The following RUNDC3B variants were observed in gnomAD, a reference collection of about 807,000 sequenced individuals.
RUNDC3B encodes RUN domain-containing protein 3B.
A neutral mutation model predicts 58.4 loss-of-function variants in RUNDC3B; 33 were observed. That is an observed-to-expected ratio of 0.56 (90% CI 0.43 to 0.75). The LOEUF is 0.75. Ranked by LOEUF, RUNDC3B falls within the 30% of genes least tolerant of loss-of-function variation. RUNDC3B has a pLI of 0.00. For missense variants in RUNDC3B, 501 were observed against 535.7 expected (o/e 0.94, Z 0.64); for synonymous variants, 193 against 195.2 (o/e 0.99, Z 0.10).
chr7:87,814,259 C>A (rs1836901384), intron 9 of RUNDC3B, among the ~76,000 whole-genome samples: 1 of 151,994 alleles, frequency 6.6e-6, no homozygotes, highest in African/African-American at 2.4e-5. Flanking sequence ...TGCCACCACG[C>A]CCAGCTAATT....
intron 9 of RUNDC3B, among the ~76,000 whole-genome samples, chr7:87,811,352 T>G (rs1168307100): frequency 1.3e-5 from 2 of 152,030 alleles, no homozygotes; most frequent in African/African-American, 4.8e-5. Context: ...TTTTTTTTTT[T>G]TTAATGGAGT....
chr7:87,785,735 G>C (rs1017742742), intron 8 of RUNDC3B, among the ~76,000 whole-genome samples: 2 of 152,216 alleles, frequency 1.3e-5, no homozygotes, highest in African/African-American at 4.8e-5. Context: ...CTCAGAGCAA[G>C]ATGGAGAGAC....
chr7:87,825,483 G>A (rs915249879), intron 10 of RUNDC3B, among the ~76,000 whole-genome samples: 6 of 152,128 alleles, frequency 3.9e-5, no homozygotes, highest in African/African-American at 1.2e-4. Flanking sequence ...CAGGGGTGGG[G>A]CCCTCATGAA....
Position 87,712,985 on chromosome 7 carries a change from C to T in RUNDC3B, c.458+2330C>T, listed in dbSNP as rs1051263276. On this transcript the variant is annotated intron_variant, in intron 4 of 10. Transcript: ENST00000394654. Reference sequence around the variant, plus strand: ...TATCTTAGAAGTTAACTAAAAAATGCGGCAAAAAAATCTTATTTTTCTCCC... The same window carrying T: ...TATCTTAGAAGTTAACTAAAAAATGTGGCAAAAAAATCTTATTTTTCTCCC... Among the ~76,000 whole-genome samples the T allele has an allele frequency of 8.6e-5, 13 of 151,836 alleles. 1 individual carries two copies. The highest frequency in any genetic ancestry group is 5.3e-4 in the Admixed American group (8 of 15,236).
At chr7:87,814,568 GCTT>G (rs1174709299) in intron 9 of RUNDC3B, among the ~76,000 whole-genome samples, 1 of 152,072 alleles carries the variant, frequency 6.6e-6, no homozygotes, top group Non-Finnish European at 1.5e-5. Flanking sequence ...AATAATTCTA[GCTT>G]CTTATGGTAG....
In RUNDC3B at chr7:87,669,792, T is replaced by C. The variant is rs1478423452; in HGVS notation, c.238+18855T>C. 3.3e-5 allele frequency among the ~76,000 whole-genome samples: 5 copies of C among 152,324 alleles called. No individual in the cohort carries two copies. In the East Asian group the frequency reaches 9.6e-4, roughly 29 times the overall value. On this transcript the variant is annotated intron_variant, in intron 2 of 10. Transcript: ENST00000394654. ...TTTTTTTCTTTAAGAATGTTGAATA[T>C]GGGCCCCCAATCTCTTCTGGCTTGT...
At chr7:87,715,423 A>C (rs1830494177) in intron 4 of RUNDC3B, among the ~76,000 whole-genome samples, 1 of 127,158 alleles carries the variant, frequency 7.9e-6, no homozygotes, top group Non-Finnish European at 1.6e-5. Context: ...TAATATATTT[A>C]ATATATAATT....
At chr7:87,722,618 T>C (rs1212418914) in intron 4 of RUNDC3B, among the ~76,000 whole-genome samples, 1 of 152,150 alleles carries the variant, frequency 6.6e-6, no homozygotes, top group African/African-American at 2.4e-5. Flanking sequence ...CCATAATTCC[T>C]TTGACGAGTT....
At chr7:87,796,273 G>A (rs1835815113) in intron 8 of RUNDC3B, among the ~76,000 whole-genome samples, 1 of 152,026 alleles carries the variant, frequency 6.6e-6, no homozygotes, top group South Asian at 2.1e-4. Context: ...TGAACTAATG[G>A]ACATAGGGAG....
chr7:87,771,539 A>T (rs115398024), intron 7 of RUNDC3B, among the ~76,000 whole-genome samples: 125 of 152,334 alleles, frequency 8.2e-4, no homozygotes, highest in African/African-American at 3.0e-3. Flanking sequence ...CAAAAATATG[A>T]AAATGCTGAG....
chr7:87,762,662 G>A (rs1833758002), intron 6 of RUNDC3B, among the ~76,000 whole-genome samples: 1 of 150,988 alleles, frequency 6.6e-6, no homozygotes, highest in South Asian at 2.1e-4. Context: ...AATCTATCAT[G>A]CCTTCCATTG....
chr7:87,672,361 C>T (rs1825908660), intron 2 of RUNDC3B, among the ~76,000 whole-genome samples: 1 of 152,138 alleles, frequency 6.6e-6, no homozygotes, highest in Admixed American at 6.5e-5. Context: ...GCTAAGGTGC[C>T]CAAACAGCAT....
intron 8 of RUNDC3B, among the ~76,000 whole-genome samples, chr7:87,786,172 C>T (rs1382430133): frequency 6.6e-6 from 1 of 152,080 alleles, no homozygotes; most frequent in Non-Finnish European, 1.5e-5. Flanking sequence ...CATCTTGTCC[C>T]CTGCCTCCTA....
intron 6 of RUNDC3B, among the ~76,000 whole-genome samples, chr7:87,752,145 G>A (rs1833044516): frequency 6.6e-6 from 1 of 152,278 alleles, no homozygotes; most frequent in East Asian, 1.9e-4. Flanking sequence ...TATGGTTTTT[G>A]TCTTTGTTTC....
At position 87,723,907 on chromosome 7, in the gene RUNDC3B, C is replaced by T. The variant is rs530256040; in HGVS notation, c.458+13252C>T. Among the ~76,000 whole-genome samples the T allele has an allele frequency of 2.0e-3, 311 of 152,172 alleles. 2 individuals carry two copies. Among genetic ancestry groups the T allele is most frequent in the African/African-American group, 7.1e-3 (296 of 41,532 alleles). ...GCGTCTTTGCCAACATTTAATCGTA[C>T]ACATCATAATAAAAGTAAAACATTA... On this transcript the variant is annotated intron_variant, in intron 4 of 10. Coordinates refer to ENST00000394654, the MANE Select transcript of RUNDC3B (RefSeq NM_001134405.2).
intron 2 of RUNDC3B, among the ~76,000 whole-genome samples, chr7:87,667,279 T>C (rs10254392): frequency 0.048 from 7,347 of 152,234 alleles, 259 homozygotes; most frequent in East Asian, 0.09. Flanking sequence ...CTGATTTGGC[T>C]GTAAGTTTGG....
At chr7:87,717,939 A>C (rs951377339) in intron 4 of RUNDC3B, among the ~76,000 whole-genome samples, 1 of 152,190 alleles carries the variant, frequency 6.6e-6, no homozygotes, top group African/African-American at 2.4e-5. Context: ...AAATGTAAAA[A>C]TATTAGTAAC....
At chr7:87,744,043 T>A (rs1460235455) in intron 6 of RUNDC3B, among the ~76,000 whole-genome samples, 1 of 152,234 alleles carries the variant, frequency 6.6e-6, no homozygotes, top group Admixed American at 6.5e-5. Context: ...TAGCCAGTTA[T>A]CCCAGCATCA....
rs74424584 is a variant in RUNDC3B, at chr7:87,634,663, G to A, written c.122+5718G>A. Among the ~76,000 whole-genome samples the A allele has an allele frequency of 1.2e-3, 183 of 151,956 alleles. 2 individuals carry two copies. Among genetic ancestry groups the A allele is most frequent in the African/African-American group, 4.3e-3 (177 of 41,464 alleles). ...GAAAAAAAAAAGAACTTTAAATCCAGTGATTTACTTTTTTTGTTACTATTT... is the reference window on the plus strand; with the variant it reads ...GAAAAAAAAAAGAACTTTAAATCCAATGATTTACTTTTTTTGTTACTATTT... On this transcript the variant is annotated intron_variant, in intron 1 of 10. Coordinates refer to ENST00000394654, the MANE Select transcript of RUNDC3B (RefSeq NM_001134405.2).
Sources: gnomAD v4.1 joint callset for allele counts (sites outside exome capture counted in the v4.1 genomes callset) on GRCh38, gnomAD v4.1.1 for gene constraint, MANE v1.5 for transcripts, NCBI Gene and HGNC (gene_info 2026-07-23, HGNC 2026-07-21) for gene names.